Variants in COL9A2 observed in about 807,000 individuals in gnomAD.
COL9A2 encodes collagen alpha-2(IX) chain.
Under a neutral mutation model 111.6 loss-of-function variants are expected in COL9A2, and 66 were observed. That is an observed-to-expected ratio of 0.59 (90% CI 0.48 to 0.73). The LOEUF is 0.73. COL9A2 is among the 30% of genes least tolerant of loss of function. COL9A2 has a pLI of 0.00. For synonymous variants in COL9A2, 353 were observed against 364.1 expected, an observed-to-expected ratio of 0.97 and a Z score of 0.35; for missense variants, 881 against 954.1, an observed-to-expected ratio of 0.92 and a Z score of 1.01.
chr1:40,305,057 CTTTCTT>C, intron 21 of COL9A2: 7 of 278,286 alleles, frequency 2.5e-5, no homozygotes, highest in East Asian at 6.3e-5. Flanking sequence ...TCATTTCTTT[CTTTCTT>C]TTTTTTTTTT....
At chr1:40,309,591 G>A (rs1166626324) in intron 16 of COL9A2, among the ~76,000 whole-genome samples, 2 of 147,440 alleles carry the variant, frequency 1.4e-5, no homozygotes, top group African/African-American at 5.3e-5. Context: ...CTGGGCTCTT[G>A]GCACAGATGG....
rs1469238880 is a variant in COL9A2 at position 40,303,639 on chromosome 1, C to T, written c.1439G>A (p.Ser480Asn). The T allele has an allele frequency of 6.3e-7, 1 of 1,587,312 alleles. No homozygotes were observed. The highest frequency in any genetic ancestry group is 1.3e-5 in the African/African-American group (1 of 74,162). Reference sequence around the variant, plus strand: ...AACCCCTGGGGCGCCCGCATCCCCGCTGGGGCCAGGGTAGCCGGGTTCTCC... The same window carrying T: ...AACCCCTGGGGCGCCCGCATCCCCGTTGGGGCCAGGGTAGCCGGGTTCTCC... ...VRGEPGYPGP[S>N]GDAGAPGVQG... Residue 480 changes from serine to asparagine, a missense_variant, in exon 28 of 32, where the codon AGC becomes AAC. By Grantham distance (46) the Ser-to-Asn change is conservative (BLOSUM62 1). Coordinates refer to ENST00000372748, the MANE Select transcript of COL9A2 (RefSeq NM_001852.4). This position sits in a 1 kb window ranked among gnomAD's most constrained non-coding sequence, Gnocchi z 4.6.
Position 40,312,781 on chromosome 1 carries a change from A to G in COL9A2, c.253T>C (p.Leu85=), listed in dbSNP as rs1402632017. Residue 85 remains leucine (L), a synonymous_variant, in exon 5 of 32, where the codon TTA becomes CTA. Coordinates refer to ENST00000372748, the MANE Select transcript of COL9A2 (RefSeq NM_001852.4). This position sits in a 1 kb window ranked among gnomAD's most constrained non-coding sequence, Gnocchi z 6.0. ...GPDGKPGIDG[L]TGAKGEPGPM... ...CCAGGCTCCCCCTTGGCTCCAGTTAAACCCTGGGGAAGAATGAAAATGTAG... is the reference window on the plus strand; with the variant it reads ...CCAGGCTCCCCCTTGGCTCCAGTTAGACCCTGGGGAAGAATGAAAATGTAG... The G allele has an allele frequency of 6.4e-7, 1 of 1,551,086 alleles. No individual in the cohort carries two copies. Among genetic ancestry groups the G allele is most frequent in the Admixed American group, 2.0e-5 (1 of 51,012 alleles).
At chr1:40,309,305 G>A (rs956735379) in intron 16 of COL9A2, among the ~76,000 whole-genome samples, 2 of 151,248 alleles carry the variant, frequency 1.3e-5, no homozygotes, top group African/African-American at 4.9e-5. Context: ...AAAAGTATAA[G>A]AATTTTTTAA....
At chr1:40,315,747 CGGGG>C in intron 1 of COL9A2, 83 bp from the exon 2 acceptor site, 1 of 990,504 alleles carries the variant, frequency 1.0e-6, no homozygotes, top group Non-Finnish European at 1.5e-6. Context: ...ACCCTGGGAG[CGGGG>C]TCCTAGGGGC....
In COL9A2 at chr1:40,312,187, C is replaced by T. The variant is rs115443269; in HGVS notation, c.364-75G>A. The T allele has an allele frequency of 4.9e-4, 637 of 1,311,508 alleles. No homozygotes were observed. The African/African-American group carries it at 7.8e-3, about 16-fold the overall frequency. 81.2% of individuals were successfully genotyped at this position (1,311,508 alleles called of 1,614,324 possible). On this transcript the variant is annotated intron_variant, in intron 7 of 31. Transcript: ENST00000372748. This position sits in a 1 kb window ranked among gnomAD's most constrained non-coding sequence, Gnocchi z 6.0. ...CTGGGCACAAAGGTAGAGACAGGCACCCAAAGCCCGTTTCTCCACTTTTAC... is the reference window on the plus strand; with the variant it reads ...CTGGGCACAAAGGTAGAGACAGGCATCCAAAGCCCGTTTCTCCACTTTTAC...
In COL9A2 at chr1:40,314,247, GC is replaced by G; in HGVS notation, c.206del (p.Gly69AlafsTer17). Reference protein sequence around the residue: ...AGPPGPKGEPGKAGPDGPDGK... With the variant: ...AGPPGPKGEPXKAGPDGPDGK... Reference sequence around the variant, plus strand: ...CGTCTGGCCCATCTGGCCCAGCTTTGCCAGGCTCGCCCTTGGGTCCCTTGAA... The same window carrying G: ...CGTCTGGCCCATCTGGCCCAGCTTTGCAGGCTCGCCCTTGGGTCCCTTGAA... On this transcript the variant is annotated frameshift_variant, in exon 4 of 32. Coordinates refer to ENST00000372748, the MANE Select transcript of COL9A2 (RefSeq NM_001852.4). LOFTEE classifies it high-confidence loss of function. The surrounding 1 kb of genome is among the most constrained non-coding windows in gnomAD (Gnocchi z 4.1). 6.2e-7 allele frequency: 1 copy of G among 1,614,204 alleles called. No homozygotes were observed. Among genetic ancestry groups the G allele is most frequent in the Non-Finnish European group, 8.5e-7 (1 of 1,180,030 alleles).
At position 40,314,515 on chromosome 1, in the gene COL9A2, G is replaced by A. The variant is rs1644184986; in HGVS notation, c.151-128C>T. The A allele has an allele frequency of 2.6e-6, 3 of 1,143,592 alleles. No homozygotes were observed. The highest frequency in any genetic ancestry group is 2.5e-5 in the South Asian group (2 of 79,542). The allele number at this position is 1,143,592 out of a possible 1,614,324, so 70.8% of individuals were successfully genotyped here. A position where few individuals can be genotyped will look rare whatever the true frequency, so the allele number is the denominator to read the frequency against. ...CCTCTCTTCTGTCCAGGTCCCCTAA[G>A]CCTTGCAATCTTTGGGAAAAGAGCC... On this transcript the variant is annotated intron_variant, in intron 2 of 31. Coordinates refer to ENST00000372748, the MANE Select transcript of COL9A2 (RefSeq NM_001852.4). The surrounding 1 kb of genome is among the most constrained non-coding windows in gnomAD (Gnocchi z 4.1).
rs1644144644 is a variant in COL9A2 at position 40,312,407 on chromosome 1, C to T, written c.363+49G>A. ...TCCCTCGAAGCCTTTCTGTTGTCCC[C>T]TCCTTCCCTGGGAGTTCTGGGGATC... On this transcript the variant is annotated intron_variant, in intron 7 of 31. Transcript: ENST00000372748. The surrounding 1 kb of genome is among the most constrained non-coding windows in gnomAD (Gnocchi z 6.0). 6.2e-7 allele frequency: 1 copy of T among 1,605,408 alleles called. No individual in the cohort carries two copies.
Position 40,312,196 on chromosome 1 carries a change from C to T in COL9A2, c.364-84G>A, listed in dbSNP as rs564522992. The T allele has an allele frequency of 1.3e-4, 163 of 1,234,692 alleles. No individual in the cohort carries two copies. The East Asian group carries it at 3.2e-3, about 24-fold the overall frequency. The allele number at this position is 1,234,692 out of a possible 1,614,324, so 76.5% of individuals were successfully genotyped here. On this transcript the variant is annotated intron_variant, in intron 7 of 31. Transcript: ENST00000372748. This position sits in a 1 kb window ranked among gnomAD's most constrained non-coding sequence, Gnocchi z 6.0. ...AAGGTAGAGACAGGCACCCAAAGCC[C>T]GTTTCTCCACTTTTACTTTTTTTTT...
chr1:40,305,391 T>G (rs987560820), intron 21 of COL9A2, among the ~76,000 whole-genome samples: 1 of 152,228 alleles, frequency 6.6e-6, no homozygotes, highest in African/African-American at 2.4e-5. Flanking sequence ...TCCATTAAAC[T>G]ATACCCTCCA....
chr1:40,312,835 CCCA>C lies in COL9A2; in HGVS notation c.250-54_250-52del. ...CAATGAGGGCCAACCTGCTCCCTGA[CCCA>C]CAGAGCAGGGCAGGTTCAAGGGTCC... is the stretch of plus-strand genomic sequence containing the variant. On this transcript the variant is annotated intron_variant, in intron 4 of 31. Coordinates refer to ENST00000372748, the MANE Select transcript of COL9A2 (RefSeq NM_001852.4). This position sits in a 1 kb window ranked among gnomAD's most constrained non-coding sequence, Gnocchi z 6.0. 6.6e-7 allele frequency: 1 copy of C among 1,504,022 alleles called. No individual in the cohort carries two copies. The highest frequency in any genetic ancestry group is 9.0e-7 in the Non-Finnish European group (1 of 1,105,596). 93.2% of individuals were successfully genotyped at this position (1,504,022 alleles called of 1,614,324 possible). A position where few individuals can be genotyped will look rare whatever the true frequency, so the allele number is the denominator to read the frequency against.
rs1644192550 is a variant in COL9A2 at position 40,314,966 on chromosome 1, T to C, written c.151-579A>G. 6.6e-6 allele frequency among the ~76,000 whole-genome samples: 1 copy of C among 151,636 alleles called. No homozygotes were observed. Among genetic ancestry groups the C allele is most frequent in the South Asian group, 2.1e-4 (1 of 4,798 alleles). Reference sequence around the variant, plus strand: ...AGTGCGATTCAGCCCCAGAGAGGCCTCCAGGCATTTCAGAGCCCTCAGCAG... The same window carrying C: ...AGTGCGATTCAGCCCCAGAGAGGCCCCCAGGCATTTCAGAGCCCTCAGCAG... On this transcript the variant is annotated intron_variant, in intron 2 of 31. Transcript: ENST00000372748. The surrounding 1 kb of genome is among the most constrained non-coding windows in gnomAD (Gnocchi z 4.1).
chr1:40,315,564 G>C, intron 2 of COL9A2, 26 bp downstream of exon 2: 2 of 1,503,844 alleles, frequency 1.3e-6, no homozygotes, highest in Non-Finnish European at 1.8e-6. Flanking sequence ...CCTCCCTCCC[G>C]CCCTGGTCTC....
In COL9A2 at chr1:40,314,462, G is replaced by A; in HGVS notation, c.151-75C>T. On this transcript the variant is annotated intron_variant, in intron 2 of 31. Coordinates refer to ENST00000372748, the MANE Select transcript of COL9A2 (RefSeq NM_001852.4). The surrounding 1 kb of genome is among the most constrained non-coding windows in gnomAD (Gnocchi z 4.1). Reference sequence around the variant, plus strand: ...AAGTGGGCACACACAGGCCCTGGCAGGCCGCTCCCAAAGGCTCTCCTCACT... The same window carrying A: ...AAGTGGGCACACACAGGCCCTGGCAAGCCGCTCCCAAAGGCTCTCCTCACT... The A allele has an allele frequency of 6.3e-7, 1 of 1,580,958 alleles. No individual in the cohort carries two copies.
At position 40,308,254 on chromosome 1, in the gene COL9A2, C is replaced by A; in HGVS notation, c.847-9G>T. 1.9e-6 allele frequency: 3 copies of A among 1,613,646 alleles called. No individual in the cohort carries two copies. Among genetic ancestry groups the A allele is most frequent in the East Asian group, 2.2e-5 (1 of 44,876 alleles). ...CGAATACCTGGGCTGCCCTGCAAAG[C>A]GGAGAGAGATCAGGTCACCCTCAGG... On this transcript the variant is annotated splice_polypyrimidine_tract_variant and intron_variant, in intron 16 of 31. Coordinates refer to ENST00000372748, the MANE Select transcript of COL9A2 (RefSeq NM_001852.4).
rs745804109 is a variant in COL9A2, at chr1:40,310,699, C to T, written c.684+15G>A. On this transcript the variant is annotated intron_variant, in intron 13 of 31. Coordinates refer to ENST00000372748, the MANE Select transcript of COL9A2 (RefSeq NM_001852.4). The surrounding 1 kb of genome is among the most constrained non-coding windows in gnomAD (Gnocchi z 4.9). Reference sequence around the variant, plus strand: ...GTGAGGGAGAAGAGGGCCACTGAGGCAAGGTGTTCCTTACCGGTGGTCCAG... The same window carrying T: ...GTGAGGGAGAAGAGGGCCACTGAGGTAAGGTGTTCCTTACCGGTGGTCCAG... 2.9e-5 allele frequency: 46 copies of T among 1,565,812 alleles called. No individual in the cohort carries two copies. The highest frequency in any genetic ancestry group is 4.0e-5 in the Non-Finnish European group (46 of 1,154,152).
In COL9A2 at chr1:40,307,451, G is replaced by T. The variant is rs2228567; in HGVS notation, c.1003C>A (p.Leu335Ile). ...GQPGSPGHQG[L>I]AGVPGQPGTK... ...TGGCTCCACCTGACACTTACCGCTA[G>T]GCCCTGGTGGCCTGGACTTCCGGGC... Residue 335 changes from leucine (L) to isoleucine (I), a missense_variant, in exon 19 of 32, where the codon CTA becomes ATA. Leu to Ile is a conservative substitution (Grantham distance 5, BLOSUM62 2). Transcript: ENST00000372748. This position sits in a 1 kb window ranked among gnomAD's most constrained non-coding sequence, Gnocchi z 4.8. 3 of 1,613,868 alleles carry T rather than the reference G, an allele frequency of 1.9e-6. No homozygotes were observed. The highest frequency in any genetic ancestry group is 2.5e-6 in the Non-Finnish European group (3 of 1,179,896).
Position 40,310,593 on chromosome 1 carries a change from G to T in COL9A2, c.684+121C>A. 1 of 981,356 alleles carries T rather than the reference G, an allele frequency of 1.0e-6. No homozygotes were observed. The highest frequency in any genetic ancestry group is 1.6e-6 in the Non-Finnish European group (1 of 628,298). The allele number at this position is 981,356 out of a possible 1,614,324, so 60.8% of individuals were successfully genotyped here. ...TTCAGCCTCCATCTCCCCATCCAGA[G>T]ATGCTCCCAGCTAGACACAGGTGTC... On this transcript the variant is annotated intron_variant, in intron 13 of 31. Coordinates refer to ENST00000372748, the MANE Select transcript of COL9A2 (RefSeq NM_001852.4). The surrounding 1 kb of genome is among the most constrained non-coding windows in gnomAD (Gnocchi z 4.9).
Sources: gnomAD v4.1 joint callset for allele counts (sites outside exome capture counted in the v4.1 genomes callset) on GRCh38, gnomAD v4.1.1 for gene constraint, Gnocchi (gnomAD v3.1) non-coding constraint, MANE v1.5 for transcripts, NCBI Gene and HGNC (gene_info 2026-07-23, HGNC 2026-07-21) for gene names.